The following GHRHR variants were observed in gnomAD, a reference collection of about 807,000 sequenced individuals.
GHRHR encodes growth hormone releasing hormone receptor.
In GHRHR, 40 loss-of-function variants were observed where a neutral mutation model predicts 58.3. The observed-to-expected ratio is 0.69, with a 90% CI of 0.53 to 0.89. The LOEUF is 0.89. GHRHR is among the 40% of genes least tolerant of loss of function. The pLI is 0.00. For synonymous variants in GHRHR, 249 were observed against 216.6 expected, an observed-to-expected ratio of 1.15 and a Z score of -1.31; for missense variants, 551 against 541.3, an observed-to-expected ratio of 1.02 and a Z score of -0.18.
intron 12 of GHRHR, among the ~76,000 whole-genome samples, chr7:30,978,138 G>T (rs143946740): frequency 6.6e-6 from 1 of 152,150 alleles, no homozygotes. Context: ...TGTCCCCTTC[G>T]CTGTGGAGTT....
At chr7:30,967,058 C>G (rs887112070) in intron 1 of GHRHR, among the ~76,000 whole-genome samples, 1 of 152,206 alleles carries the variant, frequency 6.6e-6, no homozygotes, top group African/African-American at 2.4e-5. Flanking sequence ...CACTGGTTGA[C>G]TTGGATGTGT....
At chr7:30,967,685 TCTGCCTTC>T (rs72437876) in intron 1 of GHRHR, among the ~76,000 whole-genome samples, 10,222 of 152,104 alleles carry the variant, frequency 0.067, 461 homozygotes, top group African/African-American at 0.12. Context: ...TTCCTTCTTT[TCTGCCTTC>T]CTGCCTTCCT....
rs1239057742 is a variant in GHRHR, at chr7:30,979,235, TA to T, written c.1264del (p.Met422CysfsTer14). 1.9e-6 allele frequency: 3 copies of T among 1,613,828 alleles called. No individual in the cohort carries two copies. The highest frequency in any genetic ancestry group is 2.7e-5 in the African/African-American group (2 of 74,928). On this transcript the variant is annotated frameshift_variant, in exon 13 of 13. Coordinates refer to ENST00000326139, the MANE Select transcript of GHRHR (RefSeq NM_000823.4). LOFTEE classifies it high-confidence loss of function. ...SRSAAKVLTS[M>X]C Reference sequence around the variant, plus strand: ...GCTCGGCGGCAAAGGTGCTGACATCTATGTGCTAGGCTGCCTCATCACGCCA... The same window carrying T: ...GCTCGGCGGCAAAGGTGCTGACATCTTGTGCTAGGCTGCCTCATCACGCCA...
At chr7:30,971,881 G>T (rs1348276840) in intron 5 of GHRHR, 82 bp from the exon 6 acceptor site, 2 of 1,277,812 alleles carry the variant, frequency 1.6e-6, no homozygotes, top group African/African-American at 1.5e-5. Context: ...TTCACCTCCT[G>T]CCCTGTTCAG....
chr7:30,979,283 G>T lies in GHRHR; in HGVS notation c.*39G>T. ...GCCACTGGAGTCCACACTTGAATTTGGGCAGCTACCACGGGTCTGCCATGC... is the reference window on the plus strand; with the variant it reads ...GCCACTGGAGTCCACACTTGAATTTTGGCAGCTACCACGGGTCTGCCATGC... On this transcript the variant is annotated 3_prime_UTR_variant, in exon 13 of 13. Coordinates refer to ENST00000326139, the MANE Select transcript of GHRHR (RefSeq NM_000823.4). 1 of 1,606,812 alleles carries T rather than the reference G, an allele frequency of 6.2e-7. No individual in the cohort carries two copies. The highest frequency in any genetic ancestry group is 1.1e-5 in the South Asian group (1 of 90,514).
At position 30,971,129 on chromosome 7, in the gene GHRHR, T is replaced by C. The variant is rs1267768911; in HGVS notation, c.377T>C (p.Phe126Ser). The change falls in exon 5 of 13, where the codon TTC becomes TCC. Residue 126 changes from phenylalanine (F) to serine (S), a missense_variant. By Grantham distance (155) the Phe-to-Ser change is radical. Coordinates refer to ENST00000326139, the MANE Select transcript of GHRHR (RefSeq NM_000823.4). Reference protein sequence around the residue: ...LELLAEEESYFSTVKIIYTVG... With the variant: ...LELLAEEESYSSTVKIIYTVG... ...CTCTGCCCTTCCCAGGAATCTTACT[T>C]CTCCACAGTGAAGATTATCTACACC... 6 of 1,454,564 alleles carry C rather than the reference T, an allele frequency of 4.1e-6. No individual in the cohort carries two copies. Among genetic ancestry groups the C allele is most frequent in the Non-Finnish European group, 5.7e-6 (6 of 1,057,684 alleles). The allele number at this position is 1,454,564 out of a possible 1,614,324, so 90.1% of individuals were successfully genotyped here.
chr7:30,972,023 G>T lies in GHRHR; in HGVS notation c.525G>T (p.Lys175Asn). Residue 175 changes from lysine to asparagine, a missense_variant, in exon 6 of 13, where the codon AAG (lysine) becomes AAT (asparagine). Coordinates refer to ENST00000326139, the MANE Select transcript of GHRHR (RefSeq NM_000823.4). ...AGCTGTTCACCACTTTTATCCTCAAGGCGGGAGCTGTGTTCCTGAAGGATG... is the reference window on the plus strand; with the variant it reads ...AGCTGTTCACCACTTTTATCCTCAATGCGGGAGCTGTGTTCCTGAAGGATG... ...HTQLFTTFIL[K>N]AGAVFLKDAA... is the part of the protein sequence containing the mutation. 6.2e-7 allele frequency: 1 copy of T among 1,614,038 alleles called. No individual in the cohort carries two copies. The highest frequency in any genetic ancestry group is 8.5e-7 in the Non-Finnish European group (1 of 1,179,968).
chr7:30,977,298 C>A lies in GHRHR; in HGVS notation c.1122C>A (p.Ile374=). 6 of 1,614,108 alleles carry A rather than the reference C, an allele frequency of 3.7e-6. No homozygotes were observed. Among genetic ancestry groups the A allele is most frequent in the Non-Finnish European group, 5.1e-6 (6 of 1,179,980 alleles). The change falls in exon 12 of 13, where the codon ATC becomes ATA. Residue 374 remains isoleucine, a synonymous_variant. Transcript: ENST00000326139. ...LGSFQGFIVA[I]LYCFLNQEVR... is the part of the protein sequence containing the mutation. Reference sequence around the variant, plus strand: ...ACCCACAGGGCTTCATTGTTGCCATCCTCTACTGCTTCCTCAACCAAGAGG... The same window carrying A: ...ACCCACAGGGCTTCATTGTTGCCATACTCTACTGCTTCCTCAACCAAGAGG...
chr7:30,973,951 C>T (rs1234448363), intron 6 of GHRHR, 34 bp from the exon 7 acceptor site: 1 of 1,607,872 alleles, frequency 6.2e-7, no homozygotes. Flanking sequence ...CAGTGGGTGT[C>T]CCAGCTCTGA....
At position 30,969,983 on chromosome 7, in the gene GHRHR, C is replaced by T. The variant is rs1230925184; in HGVS notation, c.366+19C>T. 1.0e-6 allele frequency: 1 copy of T among 993,728 alleles called. No individual in the cohort carries two copies. Among genetic ancestry groups the T allele is most frequent in the Non-Finnish European group, 1.6e-6 (1 of 613,164 alleles). The allele number at this position is 993,728 out of a possible 1,614,324, so 61.6% of individuals were successfully genotyped here. Reference sequence around the variant, plus strand: ...TGAGGAGGTAAGAGTCTTCTGGCATCTTGGAGGAAGGACTGCCATGGACAT... The same window carrying T: ...TGAGGAGGTAAGAGTCTTCTGGCATTTTGGAGGAAGGACTGCCATGGACAT... On this transcript the variant is annotated intron_variant, in intron 4 of 12. Transcript: ENST00000326139.
chr7:30,978,295 G>C (rs904680966), intron 12 of GHRHR, among the ~76,000 whole-genome samples: 5 of 152,142 alleles, frequency 3.3e-5, no homozygotes, highest in Admixed American at 2.6e-4. Flanking sequence ...TCCTGGGAGG[G>C]GCAAGAAGCA....
At chr7:30,975,464 T>C (rs1272175663) in intron 9 of GHRHR, among the ~76,000 whole-genome samples, 4 of 152,196 alleles carry the variant, frequency 2.6e-5, no homozygotes, top group Non-Finnish European at 5.9e-5. Context: ...TTAGCAACTG[T>C]GCAAAGTGAG....
chr7:30,976,187 C>A (rs752329366), intron 10 of GHRHR, among the ~76,000 whole-genome samples: 12 of 152,082 alleles, frequency 7.9e-5, no homozygotes, highest in Non-Finnish European at 1.0e-4. Context: ...TGGTTTTGAT[C>A]CACACTTTGA....
rs759843886 is a variant in GHRHR at position 30,969,774 on chromosome 7, C to T, written c.269-93C>T. 2.3e-5 allele frequency: 29 copies of T among 1,251,366 alleles called. 1 individual carries two copies. In the South Asian group the frequency reaches 3.3e-4, roughly 14 times the overall value. The allele number at this position is 1,251,366 out of a possible 1,614,324, so 77.5% of individuals were successfully genotyped here. A position where few individuals can be genotyped will look rare whatever the true frequency, so the allele number is the denominator to read the frequency against. On this transcript the variant is annotated intron_variant, in intron 3 of 12. Coordinates refer to ENST00000326139, the MANE Select transcript of GHRHR (RefSeq NM_000823.4). ...GCTCAGAGGAGCTGTCCATGCAAAC[C>T]CTGCCAGGGTCACTTGATGGTCCCT...
chr7:30,979,138 G>T lies in GHRHR; in HGVS notation c.1166G>T (p.Arg389Leu). 1 of 1,613,760 alleles carries T rather than the reference G, an allele frequency of 6.2e-7. No homozygotes were observed. The highest frequency in any genetic ancestry group is 8.5e-7 in the Non-Finnish European group (1 of 1,179,658). ...CTGGAGGTGAGGACTGAGATCTCAC[G>T]GAAGTGGCATGGCCATGACCCTGAG... ...LNQEVRTEIS[R>L]KWHGHDPELL... Residue 389 changes from arginine (R) to leucine (L), a missense_variant, in exon 13 of 13, where the codon CGG becomes CTG. By Grantham distance (102) the Arg-to-Leu change is moderately radical. Transcript: ENST00000326139.
chr7:30,979,056 AT>A (rs1792639615), intron 12 of GHRHR, 62 bp from the exon 13 acceptor site: 4 of 1,530,132 alleles, frequency 2.6e-6, no homozygotes, highest in Non-Finnish European at 2.7e-6. Context: ...CCTTAGTCTC[AT>A]TGGGGTTGAG....
At chr7:30,970,943 G>T (rs972600035) in intron 4 of GHRHR, 176 bp from the exon 5 acceptor site, 1 of 670,994 alleles carries the variant, frequency 1.5e-6, no homozygotes, top group Non-Finnish European at 2.7e-6. Flanking sequence ...AAGGCAGGCT[G>T]TAAACTAAAG....
intron 1 of GHRHR, among the ~76,000 whole-genome samples, chr7:30,966,035 C>A (rs1486074079): frequency 6.6e-6 from 1 of 152,176 alleles, no homozygotes; most frequent in Non-Finnish European, 1.5e-5. Flanking sequence ...TGGGGCCTTG[C>A]AGGGCCAGGC....
In GHRHR at chr7:30,979,308, C is replaced by T; in HGVS notation, c.*64C>T. 1.3e-6 allele frequency: 2 copies of T among 1,561,846 alleles called. No individual in the cohort carries two copies. The highest frequency in any genetic ancestry group is 1.7e-6 in the Non-Finnish European group (2 of 1,143,270). ...GGGCAGCTACCACGGGTCTGCCATG[C>T]TCTGGAGGAGCAAGGGGGCCACATC... On this transcript the variant is annotated 3_prime_UTR_variant, in exon 13 of 13. Coordinates refer to ENST00000326139, the MANE Select transcript of GHRHR (RefSeq NM_000823.4).
Sources: gnomAD v4.1 joint callset for allele counts (sites outside exome capture counted in the v4.1 genomes callset) on GRCh38, gnomAD v4.1.1 for gene constraint, MANE v1.5 for transcripts, NCBI Gene and HGNC (gene_info 2026-07-23, HGNC 2026-07-21) for gene names.